Variants in PSMD11 observed in about 807,000 individuals in gnomAD.
PSMD11 encodes 26S proteasome non-ATPase regulatory subunit 11.
A neutral mutation model predicts 62.3 loss-of-function variants in PSMD11; 5 were observed. The observed-to-expected ratio is 0.08, with a 90% CI of 0.04 to 0.17. The LOEUF (loss-of-function observed/expected upper bound fraction) is 0.17, where lower values mean the gene tolerates loss of function less well. Among genes scored for constraint, PSMD11 ranks in the 10% least tolerant of loss-of-function variants. The pLI is 1.00. For synonymous variants in PSMD11, 191 were observed against 191.8 expected (o/e 1.00, Z 0.03); for missense variants, 310 against 512.9 (o/e 0.60, Z 3.82).
At position 32,457,819 on chromosome 17, in the gene PSMD11, G is replaced by T. The variant is rs1319640025; in HGVS notation, c.318+3200G>T. Among the ~76,000 whole-genome samples the T allele has an allele frequency of 4.3e-5, 6 of 140,906 alleles. No individual in the cohort carries two copies. In the East Asian group the frequency reaches 1.2e-3, roughly 29 times the overall value. 92.4% of individuals were successfully genotyped at this position (140,906 alleles called of 152,430 possible). A position where few individuals can be genotyped will look rare whatever the true frequency, so the allele number is the denominator to read the frequency against. On this transcript the variant is annotated intron_variant, in intron 3 of 13. Transcript: ENST00000261712. ...TCTCTCTCTTTTTTTTTTTTTCCCCGAGATGGAGTCTTGCTCTGTCACCCA... is the reference window on the plus strand; with the variant it reads ...TCTCTCTCTTTTTTTTTTTTTCCCCTAGATGGAGTCTTGCTCTGTCACCCA...
intron 3 of PSMD11, 104 bp from the exon 4 acceptor site, chr17:32,463,945 C>T (rs1346369769): frequency 1.2e-5 from 12 of 1,037,312 alleles, no homozygotes; most frequent in Admixed American, 1.7e-5. Context: ...AATAGAGCAA[C>T]ATGGATAATA....
At chr17:32,474,865 C>G in intron 8 of PSMD11, 41 bp downstream of exon 8, 1 of 1,568,170 alleles carries the variant, frequency 6.4e-7, no homozygotes, top group South Asian at 1.1e-5. Context: ...ACTCTGAGAC[C>G]AGCATGTTTT....
Position 32,479,352 on chromosome 17 carries a change from C to T in PSMD11, c.1014C>T (p.Val338=). 1 of 1,614,178 alleles carries T rather than the reference C, an allele frequency of 6.2e-7. No homozygotes were observed. The highest frequency in any genetic ancestry group is 8.5e-7 in the Non-Finnish European group (1 of 1,180,030). Residue 338 remains valine, a synonymous_variant, in exon 10 of 14, where the codon GTC becomes GTT. Coordinates refer to ENST00000261712, the MANE Select transcript of PSMD11 (RefSeq NM_002815.4). ...TACTAGAACAGAATCTGATCCGAGT[C>T]ATTGAGCCTTTTTCCAGAGTACAGG... The part of the protein sequence containing the change: ...DNLLEQNLIR[V]IEPFSRVQIE...
At chr17:32,480,062 A>G in intron 11 of PSMD11, 84 bp from the exon 12 acceptor site, 1 of 1,536,700 alleles carries the variant, frequency 6.5e-7, no homozygotes, top group South Asian at 1.1e-5. Flanking sequence ...CATTTGGCCT[A>G]AGACCCCTCC....
At chr17:32,465,934 C>T (rs1208919025) in intron 5 of PSMD11, among the ~76,000 whole-genome samples, 6 of 152,074 alleles carry the variant, frequency 3.9e-5, no homozygotes, top group African/African-American at 1.4e-4. Context: ...AAGATTATGC[C>T]ACTGTACTCC....
intron 10 of PSMD11, 165 bp downstream of exon 10, chr17:32,479,541 G>C: frequency 9.6e-7 from 1 of 1,040,188 alleles, no homozygotes; most frequent in South Asian, 1.6e-5. Context: ...AAATCGAGGA[G>C]AGAGATGCTG....
At chr17:32,458,660 C>G (rs1450842364) in intron 3 of PSMD11, among the ~76,000 whole-genome samples, 1 of 152,224 alleles carries the variant, frequency 6.6e-6, no homozygotes, top group East Asian at 1.9e-4. Flanking sequence ...TTCCTCATTC[C>G]CAGTACAGTT....
chr17:32,480,365 G>A lies in PSMD11; in HGVS notation c.1127-124G>A. On this transcript the variant is annotated intron_variant, in intron 12 of 13. Coordinates refer to ENST00000261712, the MANE Select transcript of PSMD11 (RefSeq NM_002815.4). ...GTAATAAGCATGTGTACATGGAATA[G>A]GGAGATGAATTCTATTTCCCTTCTT... 5.5e-6 allele frequency: 8 copies of A among 1,458,804 alleles called. No homozygotes were observed. The East Asian group carries it at 1.4e-4, about 25-fold the overall frequency. 90.4% of individuals were successfully genotyped at this position (1,458,804 alleles called of 1,614,324 possible).
rs765810001 is a variant in PSMD11, at chr17:32,454,561, G to T, written c.260G>T (p.Arg87Leu). ...LNSISKAKAA[R>L]LVRSLLDLFL... is the part of the protein sequence containing the mutation. ...TCCATCAGCAAGGCTAAAGCAGCTC[G>T]CCTGGTCCGATCTCTTCTTGATCTG... The change falls in exon 3 of 14, where the codon CGC becomes CTC. Residue 87 changes from arginine to leucine, a missense_variant. Physicochemically the swap from Arg to Leu is moderately radical, Grantham distance 102. Transcript: ENST00000261712. 43 of 1,614,012 alleles carry T rather than the reference G, an allele frequency of 2.7e-5. No homozygotes were observed. Among genetic ancestry groups the T allele is most frequent in the Non-Finnish European group, 3.6e-5 (43 of 1,179,922 alleles).
intron 5 of PSMD11, among the ~76,000 whole-genome samples, chr17:32,466,652 G>T (rs902264188): frequency 1.3e-5 from 2 of 152,104 alleles, no homozygotes; most frequent in Non-Finnish European, 1.5e-5. Context: ...GTTCTTCTGG[G>T]TATATACCTA....
At chr17:32,454,448 C>T (rs749991107) in intron 2 of PSMD11, 47 bp from the exon 3 acceptor site, 2 of 1,601,708 alleles carry the variant, frequency 1.2e-6, no homozygotes, top group South Asian at 2.2e-5. Context: ...GGTATTTTGT[C>T]TCAAATGTTG....
intron 6 of PSMD11, among the ~76,000 whole-genome samples, chr17:32,473,486 G>T (rs1265583089): frequency 4.0e-5 from 6 of 151,596 alleles, no homozygotes; most frequent in Non-Finnish European, 2.9e-5. Flanking sequence ...GTCCATGTTG[G>T]TCAGTCTGAT....
In PSMD11 at chr17:32,459,115, CATATATAT is replaced by C. The variant is rs10595066; in HGVS notation, c.318+4513_318+4520del. Among the ~76,000 whole-genome samples, 525 of 111,880 alleles carry C rather than the reference CATATATAT, an allele frequency of 4.7e-3. 6 individuals are homozygous for C. The highest frequency in any genetic ancestry group is 0.018 in the African/African-American group (503 of 28,394). 73.4% of individuals were successfully genotyped at this position (111,880 alleles called of 152,430 possible). A position where few individuals can be genotyped will look rare whatever the true frequency, so the allele number is the denominator to read the frequency against. The stretch of plus-strand genomic sequence containing the variant: ...AGAGTGTCTCAAAAAAAAAAAAATA[CATATATAT>C]ATATATATATATATATGTATTTTTT... On this transcript the variant is annotated intron_variant, in intron 3 of 13. Transcript: ENST00000261712.
Sources: gnomAD v4.1 joint callset for allele counts (sites outside exome capture counted in the v4.1 genomes callset) on GRCh38, gnomAD v4.1.1 for gene constraint, MANE v1.5 for transcripts, NCBI Gene and HGNC (gene_info 2026-07-23, HGNC 2026-07-21) for gene names.